Variants in DAGLB observed in about 807,000 individuals in gnomAD.
The protein encoded by DAGLB is diacylglycerol lipase-beta.
Under a neutral mutation model 72.1 loss-of-function variants are expected in DAGLB, and 66 were observed. The observed-to-expected ratio is 0.92, with a 90% CI of 0.75 to 1.12. DAGLB has a LOEUF of 1.12. Ranked by LOEUF, DAGLB falls within the 50% of genes most tolerant of loss-of-function variation. The pLI is 0.00. For missense variants in DAGLB, 1,065 were observed against 884.9 expected, an observed-to-expected ratio of 1.20 and a Z score of -2.58; for synonymous variants, 414 against 359.5, an observed-to-expected ratio of 1.15 and a Z score of -1.71.
intron 13 of DAGLB, among the ~76,000 whole-genome samples, chr7:6,411,318 A>G (rs1047975539): frequency 2.0e-5 from 3 of 151,700 alleles, no homozygotes; most frequent in Non-Finnish European, 4.4e-5. Context: ...CTAGATACTA[A>G]TTTCTAAAAA....
intron 8 of DAGLB, chr7:6,422,744 G>C (rs946304396): frequency 6.6e-6 from 1 of 152,404 alleles, no homozygotes; most frequent in African/African-American, 2.4e-5. Context: ...GGAGGGCAGG[G>C]GAAGGAATGA....
At chr7:6,435,072 C>G in intron 3 of DAGLB, 52 bp from the exon 4 acceptor site, 1 of 1,593,066 alleles carries the variant, frequency 6.3e-7, no homozygotes, top group Non-Finnish European at 8.6e-7. Flanking sequence ...CCAGCCCAGA[C>G]GCAGATGTCC....
chr7:6,435,098 G>C, intron 3 of DAGLB, 78 bp from the exon 4 acceptor site: 3 of 1,566,418 alleles, frequency 1.9e-6, no homozygotes, highest in Admixed American at 3.7e-5. Flanking sequence ...CCCTCCTCCA[G>C]GTTCAGTTTC....
At chr7:6,429,733 T>C (rs1472576044) in intron 6 of DAGLB, among the ~76,000 whole-genome samples, 8 of 151,946 alleles carry the variant, frequency 5.3e-5, no homozygotes, top group Admixed American at 5.3e-4. Flanking sequence ...AAACCCCGTC[T>C]CTACTAAAAA....
chr7:6,416,540 C>T (rs1412329178), intron 11 of DAGLB, 87 bp downstream of exon 11: 6 of 1,506,330 alleles, frequency 4.0e-6, no homozygotes, highest in African/African-American at 1.4e-5. Context: ...AAGACTTCAT[C>T]TCAGGAAAAT....
chr7:6,447,253 G>C (rs960460032), intron 1 of DAGLB, among the ~76,000 whole-genome samples: 4 of 152,334 alleles, frequency 2.6e-5, no homozygotes, highest in African/African-American at 7.2e-5. Flanking sequence ...CAACAGCGTT[G>C]TATGTTGAGC....
At chr7:6,440,731 T>C (rs1784804070) in intron 2 of DAGLB, among the ~76,000 whole-genome samples, 2 of 151,892 alleles carry the variant, frequency 1.3e-5, no homozygotes, top group Admixed American at 6.6e-5. Context: ...TAGACAGGCA[T>C]AGTAGTGTGT....
chr7:6,424,804 T>C lies in DAGLB; in HGVS notation c.1088A>G (p.Asp363Gly), dbSNP rs1257286625. 4 of 1,613,802 alleles carry C rather than the reference T, an allele frequency of 2.5e-6. No individual in the cohort carries two copies. In the South Asian group the frequency reaches 4.4e-5, roughly 18 times the overall value. ...VYELPFLVAL[D>G]HRKESVVVAV... ...GACCACAACAGACTCTTTCCTGTGA[T>C]CCAGAGCCACTAAAAACGGCAGCTC... The change falls in exon 8 of 15, where the codon GAT (aspartate) becomes GGT (glycine). Residue 363 changes from aspartate to glycine, a missense_variant. Asp to Gly is a moderately conservative substitution (Grantham distance 94, BLOSUM62 -1). Transcript: ENST00000297056.
chr7:6,420,170 G>T (rs1003363631), intron 9 of DAGLB, among the ~76,000 whole-genome samples: 2 of 151,878 alleles, frequency 1.3e-5, no homozygotes, highest in African/African-American at 4.8e-5. Flanking sequence ...GTCCAGGTGC[G>T]GTGGCTTATG....
rs1197692717 is a variant in DAGLB at position 6,435,036 on chromosome 7, A to G, written c.420-16T>C. ...GATGATCCAACTGCAAGACAGAGAG[A>G]GGAAAAGGCTCGGTGACTGCGGGCC... On this transcript the variant is annotated splice_polypyrimidine_tract_variant and intron_variant, in intron 3 of 14. Transcript: ENST00000297056. 1 of 1,611,326 alleles carries G rather than the reference A, an allele frequency of 6.2e-7. No individual in the cohort carries two copies. Among genetic ancestry groups the G allele is most frequent in the South Asian group, 1.1e-5 (1 of 90,988 alleles).
At chr7:6,420,119 C>T (rs140169393) in intron 9 of DAGLB, among the ~76,000 whole-genome samples, 3,090 of 152,088 alleles carry the variant, frequency 0.02, 63 homozygotes, top group Non-Finnish European at 0.025. Context: ...TGCACTCAAG[C>T]CTGGGTGACA....
chr7:6,423,676 C>T (rs1784209839), intron 8 of DAGLB, among the ~76,000 whole-genome samples: 2 of 151,984 alleles, frequency 1.3e-5, no homozygotes, highest in African/African-American at 4.8e-5. Context: ...CAACCTCCGC[C>T]TCCCGGGTTC....
intron 11 of DAGLB, among the ~76,000 whole-genome samples, chr7:6,413,394 G>A (rs1783799024): frequency 6.6e-6 from 1 of 152,200 alleles, no homozygotes; most frequent in Non-Finnish European, 1.5e-5. Flanking sequence ...ACTTTGGGAG[G>A]CCGAGGCAGG....
At chr7:6,411,368 T>C (rs1005443447) in intron 13 of DAGLB, among the ~76,000 whole-genome samples, 1 of 149,530 alleles carries the variant, frequency 6.7e-6, no homozygotes, top group African/African-American at 2.5e-5. Flanking sequence ...ACACCTGTAA[T>C]CCCAGCACTT....
At chr7:6,416,254 C>T (rs966469206) in intron 11 of DAGLB, 1 of 168,616 alleles carries the variant, frequency 5.9e-6, no homozygotes, top group Non-Finnish European at 1.3e-5. Flanking sequence ...CTTCAAAACA[C>T]AAACCTCAGC....
At chr7:6,435,615 C>T (rs836537) in intron 3 of DAGLB, 9,857 of 155,374 alleles carry the variant, frequency 0.063, 685 homozygotes, top group African/African-American at 0.17. Flanking sequence ...ATGCAGCGGG[C>T]ACTTCTTCTC....
chr7:6,414,112 G>A (rs1290392128), intron 11 of DAGLB, among the ~76,000 whole-genome samples: 1 of 152,020 alleles, frequency 6.6e-6, no homozygotes, highest in Non-Finnish European at 1.5e-5. Context: ...CCAGGTTCAC[G>A]CCATTCTCCT....
Position 6,432,785 on chromosome 7 carries a change from C to G in DAGLB, c.801+52G>C, listed in dbSNP as rs1583295930. Reference sequence around the variant, plus strand: ...AGGTTAGCTGTATGATTCTGAAGACCCACCAAAAGGTGTAAGTGTCAGAAC... The same window carrying G: ...AGGTTAGCTGTATGATTCTGAAGACGCACCAAAAGGTGTAAGTGTCAGAAC... On this transcript the variant is annotated intron_variant, in intron 5 of 14. Transcript: ENST00000297056. The G allele has an allele frequency of 4.2e-5, 67 of 1,576,746 alleles. 1 individual carries two copies. The South Asian group carries it at 6.8e-4, about 16-fold the overall frequency.
At chr7:6,428,548 G>A (rs1312561863) in intron 6 of DAGLB, among the ~76,000 whole-genome samples, 1 of 150,588 alleles carries the variant, frequency 6.6e-6, no homozygotes, top group Non-Finnish European at 1.5e-5. Flanking sequence ...GGGCAATGGT[G>A]TGATCTCCAC....
Sources: allele counts gnomAD v4.1 joint callset (sites outside exome capture counted in the v4.1 genomes callset), GRCh38; gene constraint gnomAD v4.1.1; transcripts MANE v1.5; gene names NCBI Gene and HGNC (gene_info 2026-07-23, HGNC 2026-07-21).